The following CNIH3 variants were observed in gnomAD, a reference collection of about 807,000 sequenced individuals.
The protein encoded by CNIH3 is protein cornichon homolog 3.
CNIH3 carries 14 observed loss-of-function variants against 24.1 expected under a neutral mutation model. The ratio of observed to expected loss-of-function variants is 0.58; its 90% CI spans 0.38 to 0.91. The LOEUF is 0.91. CNIH3 is among the 40% of genes least tolerant of loss of function. The probability of loss-of-function intolerance (pLI) is 0.00; values close to 1 mark genes in which losing one functional copy is unlikely to be tolerated. For missense variants in CNIH3, 178 were observed against 196.8 expected, an observed-to-expected ratio of 0.90 and a Z score of 0.57; for synonymous variants, 68 against 73.8, an observed-to-expected ratio of 0.92 and a Z score of 0.40.
At chr1:224,464,559 G>C in intron 1 of CNIH3, among the ~76,000 whole-genome samples, 1 of 152,122 alleles carries the variant, frequency 6.6e-6, no homozygotes, top group Non-Finnish European at 1.5e-5. Context: ...AATTGTTCCA[G>C]AACTATTTCT....
At chr1:224,476,561 A>C (rs1485242620) in intron 1 of CNIH3, among the ~76,000 whole-genome samples, 1 of 152,190 alleles carries the variant, frequency 6.6e-6, no homozygotes, top group Non-Finnish European at 1.5e-5. Context: ...TTTTGTCTGA[A>C]TAGGAAATGG....
chr1:224,604,608 C>A lies in CNIH3; in HGVS notation n.402+38344C>A, dbSNP rs565558243. Among the ~76,000 whole-genome samples the A allele has an allele frequency of 7.1e-4, 108 of 152,262 alleles. No homozygotes were observed. Among genetic ancestry groups the A allele is most frequent in the African/African-American group, 2.6e-3 (106 of 41,560 alleles). ...AGGCTGGAGCCAGGGATGGGGCTCCCAGACTGTTTAGCTAGAGGAGAGCAG... is the reference window on the plus strand; with the variant it reads ...AGGCTGGAGCCAGGGATGGGGCTCCAAGACTGTTTAGCTAGAGGAGAGCAG... On this transcript the variant is annotated intron_variant and non_coding_transcript_variant, in intron 3 of 7. Transcript: ENST00000478120. This position sits in a 1 kb window ranked among gnomAD's most constrained non-coding sequence, Gnocchi z 4.4.
chr1:224,485,703 G>A (rs1390249995), intron 1 of CNIH3, among the ~76,000 whole-genome samples: 1 of 152,170 alleles, frequency 6.6e-6, no homozygotes, highest in Non-Finnish European at 1.5e-5. Context: ...ATGTTGTGCA[G>A]GCTTGTCCTG....
chr1:224,611,309 C>T (rs1159546486), intron 3 of CNIH3: 1 of 152,196 alleles, frequency 6.6e-6, no homozygotes, highest in Non-Finnish European at 1.5e-5. Flanking sequence ...TCTCAATTTC[C>T]TGTCATACCA....
chr1:224,519,509 G>A (rs1421614169), intron 1 of CNIH3, among the ~76,000 whole-genome samples: 2 of 151,866 alleles, frequency 1.3e-5, no homozygotes, highest in African/African-American at 4.8e-5. Context: ...CTCTGTATGC[G>A]TGTATGTGTA....
chr1:224,625,411 C>A (rs1209675091), intron 1 of CNIH3, among the ~76,000 whole-genome samples: 2 of 152,158 alleles, frequency 1.3e-5, no homozygotes, highest in Admixed American at 6.5e-5. Flanking sequence ...AAAAAATTAG[C>A]CAGGCGTGGT....
chr1:224,713,303 T>C (rs1688256219), intron 3 of CNIH3, among the ~76,000 whole-genome samples: 2 of 152,232 alleles, frequency 1.3e-5, no homozygotes, highest in Admixed American at 1.3e-4. Flanking sequence ...GTGTATGTGA[T>C]TTTGATTATC....
chr1:224,482,670 G>A (rs1676861820), intron 1 of CNIH3, among the ~76,000 whole-genome samples: 1 of 151,850 alleles, frequency 6.6e-6, no homozygotes, highest in South Asian at 2.1e-4. Context: ...GAAGGAAGGG[G>A]TCACTTTTGG....
intron 1 of CNIH3, among the ~76,000 whole-genome samples, chr1:224,473,009 TGGCA>T (rs1201114570): frequency 6.6e-5 from 10 of 152,290 alleles, no homozygotes; most frequent in African/African-American, 2.4e-4. Context: ...TATCTCTCAT[TGGCA>T]GGAGGGTTTG....
chr1:224,503,289 G>A (rs928219218), intron 1 of CNIH3, among the ~76,000 whole-genome samples: 2 of 152,190 alleles, frequency 1.3e-5, no homozygotes, highest in Non-Finnish European at 2.9e-5. Flanking sequence ...AGCCAGGACC[G>A]CAGAGTGTTC....
At chr1:224,665,246 G>C (rs941509548) in intron 1 of CNIH3, among the ~76,000 whole-genome samples, 4 of 152,100 alleles carry the variant, frequency 2.6e-5, no homozygotes, top group African/African-American at 9.7e-5. Flanking sequence ...ATACTCCCAG[G>C]CTTTATCTTT....
intron 1 of CNIH3, among the ~76,000 whole-genome samples, chr1:224,495,986 C>T (rs1335712254): frequency 6.6e-6 from 1 of 152,082 alleles, no homozygotes; most frequent in East Asian, 1.9e-4. Context: ...CGCAACTAAG[C>T]AGTAAGATAT....
In CNIH3 at chr1:224,728,833, A is replaced by G. The variant is rs140290721; in HGVS notation, c.199-1629A>G. 7.5e-3 allele frequency among the ~76,000 whole-genome samples: 1,150 copies of G among 152,332 alleles called. 6 individuals carry two copies. The highest frequency in any genetic ancestry group is 0.012 in the Non-Finnish European group (810 of 68,034). ...TAAACATATGCACTTGGTCATTTCA[A>G]TGCACTTTACCACGTATTTGTTAAG... On this transcript the variant is annotated intron_variant, in intron 3 of 5. Coordinates refer to ENST00000272133, the MANE Select transcript of CNIH3 (RefSeq NM_152495.2).
chr1:224,733,748 C>G (rs150092646), intron 4 of CNIH3, among the ~76,000 whole-genome samples: 3 of 152,290 alleles, frequency 2.0e-5, no homozygotes, highest in African/African-American at 7.2e-5. Flanking sequence ...AAAAGGAACT[C>G]ACTGAGAGAT....
At chr1:224,651,840 C>T (rs142041553) in intron 1 of CNIH3, among the ~76,000 whole-genome samples, 49 of 152,246 alleles carry the variant, frequency 3.2e-4, no homozygotes, top group African/African-American at 1.1e-3. Flanking sequence ...GATAAATCCT[C>T]AGGGAATTGC....
At chr1:224,714,412 A>G (rs116468983) in intron 3 of CNIH3, among the ~76,000 whole-genome samples, 136 of 152,304 alleles carry the variant, frequency 8.9e-4, no homozygotes, top group African/African-American at 3.1e-3. Flanking sequence ...GGGAGTCGCC[A>G]GTGGTGGGAG....
At chr1:224,439,820 G>A (rs534623869) in intron 1 of CNIH3, among the ~76,000 whole-genome samples, 46 of 151,084 alleles carry the variant, frequency 3.0e-4, no homozygotes, top group African/African-American at 1.1e-3. Flanking sequence ...ATGGGGTCTC[G>A]CTCTGTCGCC....
intron 2 of CNIH3, 87 bp downstream of exon 2, chr1:224,681,113 G>A: frequency 8.9e-7 from 1 of 1,119,598 alleles, no homozygotes; most frequent in Non-Finnish European, 1.4e-6. Context: ...TGAATGATTT[G>A]AATGCGTAAA....
Position 224,564,086 on chromosome 1 carries a change from G to A in CNIH3, n.451-2113G>A, listed in dbSNP as rs78620530. ...ACACTTATGTTTGATTTGATAAGTGGCTTCTTGAGCAGCCACATATTGAAG... is the reference window on the plus strand; with the variant it reads ...ACACTTATGTTTGATTTGATAAGTGACTTCTTGAGCAGCCACATATTGAAG... On this transcript the variant is annotated intron_variant and non_coding_transcript_variant, in intron 3 of 5. Coordinates refer to the CNIH3 transcript ENST00000471578. Among the ~76,000 whole-genome samples, 3 of 152,348 alleles carry A rather than the reference G, an allele frequency of 2.0e-5. No individual in the cohort carries two copies. In the East Asian group the frequency reaches 5.8e-4, roughly 29 times the overall value.
Sources: allele counts gnomAD v4.1 joint callset (sites outside exome capture counted in the v4.1 genomes callset), GRCh38; gene constraint gnomAD v4.1.1; non-coding constraint Gnocchi (gnomAD v3.1); transcripts MANE v1.5; gene names NCBI Gene and HGNC (gene_info 2026-07-23, HGNC 2026-07-21).